DCDC1: variants seen among roughly 807,000 people sequenced by gnomAD.
DCDC1 encodes doublecortin domain containing 1, also known as doublecortin domain-containing protein 1.
Under a neutral mutation model 178.3 loss-of-function variants are expected in DCDC1, and 200 were observed. The observed-to-expected ratio is 1.12, with a 90% confidence interval of 1.00 to 1.26. The LOEUF is 1.26. Ranked by LOEUF, DCDC1 falls within the 50% of genes most tolerant of loss-of-function variation. The pLI, the probability that DCDC1 is intolerant of heterozygous loss-of-function variation, is 0.00. For synonymous variants in DCDC1, 690 were observed against 604.8 expected (o/e 1.14, Z -2.07); for missense variants, 1,983 against 1,749.2 (o/e 1.13, Z -2.38).
At chr11:31,083,404 G>A (rs1001056369) in intron 17 of DCDC1, among the ~76,000 whole-genome samples, 1 of 152,172 alleles carries the variant, frequency 6.6e-6, no homozygotes, top group Non-Finnish European at 1.5e-5. Context: ...GATTTTACAT[G>A]TAGGGGCTTT....
At chr11:31,097,726 T>C (rs916159438) in intron 15 of DCDC1, among the ~76,000 whole-genome samples, 3 of 152,204 alleles carry the variant, frequency 2.0e-5, no homozygotes, top group Admixed American at 1.3e-4. Context: ...CCGTGTCCTA[T>C]GCTAATGGCA....
intron 11 of DCDC1, among the ~76,000 whole-genome samples, chr11:31,115,982 G>GC (rs1959861133): frequency 3.3e-5 from 1 of 30,232 alleles, no homozygotes; most frequent in African/African-American, 1.7e-4. Context: ...CTGTGGCAGT[G>GC]GGGGGGGGGG....
chr11:30,985,124 T>G (rs1280963364), intron 20 of DCDC1, among the ~76,000 whole-genome samples: 1 of 152,206 alleles, frequency 6.6e-6, no homozygotes. Context: ...CGATTCTGTT[T>G]CCCACACTTC....
chr11:30,915,458 AT>A (rs768919419), intron 27 of DCDC1, 52 bp downstream of exon 27: 35 of 1,593,414 alleles, frequency 2.2e-5, no homozygotes, highest in Non-Finnish European at 2.9e-5. Context: ...TGCTAGACTT[AT>A]TAGGATCCTA....
intron 22 of DCDC1, among the ~76,000 whole-genome samples, chr11:30,930,124 A>G (rs1184048463): frequency 1.3e-5 from 2 of 152,144 alleles, no homozygotes; most frequent in African/African-American, 2.4e-5. Flanking sequence ...TTTCAGGTTA[A>G]TGCAAGTAAT....
At chr11:31,184,859 C>G (rs1407441415) in intron 9 of DCDC1, among the ~76,000 whole-genome samples, 1 of 152,082 alleles carries the variant, frequency 6.6e-6, no homozygotes, top group East Asian at 1.9e-4. Flanking sequence ...GACAGATCCT[C>G]AAGGATCTAG....
chr11:31,282,141 C>A (rs545647707), intron 7 of DCDC1, among the ~76,000 whole-genome samples: 30 of 152,186 alleles, frequency 2.0e-4, no homozygotes, highest in Non-Finnish European at 3.2e-4. Flanking sequence ...GGTTTGTGTA[C>A]AACTGATATT....
chr11:31,059,437 T>C (rs1955794680), intron 20 of DCDC1, among the ~76,000 whole-genome samples: 2 of 152,026 alleles, frequency 1.3e-5, no homozygotes, highest in South Asian at 2.1e-4. Context: ...TTAAATATAA[T>C]GCCACGCTTC....
At position 30,916,916 on chromosome 11, in the gene DCDC1, T is replaced by C; in HGVS notation, c.3406A>G (p.Thr1136Ala). The C allele has an allele frequency of 6.2e-7, 1 of 1,609,530 alleles. No individual in the cohort carries two copies. Among genetic ancestry groups the C allele is most frequent in the Admixed American group, 1.7e-5 (1 of 59,386 alleles). Reference sequence around the variant, plus strand: ...ACATTTTCAAAGAGCCCTTTTTCCGTTTTCTTTGGAAGACTGTCATCCTCA... The same window carrying C: ...ACATTTTCAAAGAGCCCTTTTTCCGCTTTCTTTGGAAGACTGTCATCCTCA... ...FDEDDSLPKK[T>A]EKGLFENVEP... Residue 1136 changes from threonine to alanine, a missense_variant, in exon 26 of 39, where the codon ACG (threonine) becomes GCG (alanine). Transcript: ENST00000684477.
At chr11:31,152,175 C>G (rs1965241086) in intron 9 of DCDC1, among the ~76,000 whole-genome samples, 2 of 152,130 alleles carry the variant, frequency 1.3e-5, no homozygotes, top group South Asian at 4.1e-4. Flanking sequence ...CATCACAGTG[C>G]AAATTAGACT....
intron 7 of DCDC1, among the ~76,000 whole-genome samples, chr11:31,290,063 C>A (rs1399157311): frequency 1.3e-5 from 2 of 151,960 alleles, no homozygotes; most frequent in African/African-American, 4.8e-5. Flanking sequence ...TTAGAAAGTA[C>A]AAGCACCTTC....
At chr11:31,069,619 T>A (rs1260661948) in intron 18 of DCDC1, among the ~76,000 whole-genome samples, 1 of 151,964 alleles carries the variant, frequency 6.6e-6, no homozygotes, top group East Asian at 1.9e-4. Context: ...AGACAAACAG[T>A]AGAAAACAAA....
Position 30,915,648 on chromosome 11 carries a change from C to A in DCDC1, c.3516G>T (p.Gly1172=), listed in dbSNP as rs766783297. 3 of 1,613,946 alleles carry A rather than the reference C, an allele frequency of 1.9e-6. No homozygotes were observed. In the Admixed American group the frequency reaches 5.0e-5, roughly 27 times the overall value. ...GAGGAGCAGCATGGCTTATAATCTGCCCATCTCTGTATTCGAACTGCTGAT... is the reference window on the plus strand; with the variant it reads ...GAGGAGCAGCATGGCTTATAATCTGACCATCTCTGTATTCGAACTGCTGAT... ...HCHQQFEYRD[G]QIISHAAPQL... Residue 1172 remains glycine (G), a synonymous_variant, in exon 27 of 39, where the codon GGG becomes GGT. Coordinates refer to ENST00000684477, the MANE Select transcript of DCDC1 (RefSeq NM_001387274.1).
chr11:31,328,190 T>C lies in DCDC1; in HGVS notation c.91A>G (p.Ser31Gly), dbSNP rs1949751788. Residue 31 changes from serine to glycine, a missense_variant, in exon 3 of 39, where the codon AGT (serine) becomes GGT (glycine). Transcript: ENST00000684477. ...LTEAMEVLQQ[S>G]SPEGTLDGNT... Reference sequence around the variant, plus strand: ...CCATCCAAAGTGCCTTCAGGGCTACTTTGCTGTAATACTTCCATTGCTTCA... The same window carrying C: ...CCATCCAAAGTGCCTTCAGGGCTACCTTGCTGTAATACTTCCATTGCTTCA... 6.2e-7 allele frequency: 1 copy of C among 1,612,700 alleles called. No individual in the cohort carries two copies. Among genetic ancestry groups the C allele is most frequent in the Admixed American group, 1.7e-5 (1 of 59,984 alleles).
At chr11:31,201,303 T>C (rs1387452124) in intron 9 of DCDC1, among the ~76,000 whole-genome samples, 1 of 151,756 alleles carries the variant, frequency 6.6e-6, no homozygotes, top group East Asian at 1.9e-4. Flanking sequence ...AAAATTAACA[T>C]TATTATTAAT....
chr11:31,038,793 CT>C (rs1326737371), intron 20 of DCDC1, among the ~76,000 whole-genome samples: 1 of 151,664 alleles, frequency 6.6e-6, no homozygotes, highest in Non-Finnish European at 1.5e-5. Context: ...CAGGACAGTT[CT>C]CCTGGGGAAC....
intron 20 of DCDC1, among the ~76,000 whole-genome samples, chr11:31,015,170 G>T (rs1053272104): frequency 6.6e-6 from 1 of 151,858 alleles, no homozygotes; most frequent in East Asian, 1.9e-4. Context: ...GGGTGGTCTC[G>T]ATCTCCTGAC....
chr11:30,925,472 A>G (rs952720070), intron 22 of DCDC1, 64 bp from the exon 23 acceptor site: 2 of 1,431,000 alleles, frequency 1.4e-6, no homozygotes, highest in Admixed American at 3.6e-5. Context: ...AAGAGAGAAA[A>G]TAAAAGAAAT....
intron 9 of DCDC1, among the ~76,000 whole-genome samples, chr11:31,166,162 T>C (rs1302532905): frequency 1.3e-5 from 2 of 152,230 alleles, no homozygotes; most frequent in Non-Finnish European, 2.9e-5. Flanking sequence ...AACGTTAATA[T>C]TTATGACTAA....
Sources: gnomAD v4.1 joint callset for allele counts (sites outside exome capture counted in the v4.1 genomes callset) on GRCh38, gnomAD v4.1.1 for gene constraint, MANE v1.5 for transcripts, NCBI Gene and HGNC (gene_info 2026-07-23, HGNC 2026-07-21) for gene names.